The following EML4 variants were observed in gnomAD, a reference collection of about 807,000 sequenced individuals.
EML4 encodes echinoderm microtubule-associated protein-like 4.
Under a neutral mutation model 129.0 loss-of-function variants are expected in EML4, and 72 were observed. The observed-to-expected ratio is 0.56, with a 90% CI of 0.46 to 0.68. EML4 has a LOEUF of 0.68. Among genes scored for constraint, EML4 ranks in the 30% least tolerant of loss-of-function variants. The probability of loss-of-function intolerance (pLI) is 0.00; values close to 1 mark genes in which losing one functional copy is unlikely to be tolerated. For synonymous variants in EML4, 532 were observed against 405.0 expected (o/e 1.31, Z -3.77); for missense variants, 1,363 against 1,190.6 (o/e 1.14, Z -2.13).
At chr2:42,221,403 C>CTTTTTTT (rs74816568) in intron 1 of EML4, among the ~76,000 whole-genome samples, 3,152 of 107,744 alleles carry the variant, frequency 0.029, 295 homozygotes, top group Non-Finnish European at 0.04. Flanking sequence ...ACATGGTTTA[C>CTTTTTTT]TTTTTTTTTT....
intron 20 of EML4, 151 bp from the exon 21 acceptor site, chr2:42,326,003 A>C: frequency 9.0e-7 from 1 of 1,112,108 alleles, no homozygotes; most frequent in Non-Finnish European, 1.2e-6. Context: ...GTTAAAGTGA[A>C]CACTTTCTTT....
intron 2 of EML4, among the ~76,000 whole-genome samples, chr2:42,249,002 G>C (rs540083194): frequency 6.6e-6 from 1 of 152,208 alleles, no homozygotes; most frequent in Admixed American, 6.5e-5. Flanking sequence ...ACTCTGAACA[G>C]CTTTATCTTG....
intron 17 of EML4, among the ~76,000 whole-genome samples, chr2:42,314,258 C>G (rs1669113630): frequency 6.6e-6 from 1 of 152,002 alleles, no homozygotes; most frequent in African/African-American, 2.4e-5. Context: ...ACTCGAGAGA[C>G]TGAGGCATGA....
At chr2:42,233,109 A>G (rs1674451716) in intron 1 of EML4, among the ~76,000 whole-genome samples, 1 of 152,034 alleles carries the variant, frequency 6.6e-6, no homozygotes, top group African/African-American at 2.4e-5. Context: ...TTATCCTTAG[A>G]TCAATCTCTT....
intron 1 of EML4, among the ~76,000 whole-genome samples, chr2:42,214,706 G>T (rs1673079508): frequency 6.6e-6 from 1 of 152,134 alleles, no homozygotes; most frequent in Non-Finnish European, 1.5e-5. Flanking sequence ...CGTACCTTTT[G>T]CATGTCTGGT....
chr2:42,210,168 TTTCTC>T (rs1344599707), intron 1 of EML4, among the ~76,000 whole-genome samples: 1 of 152,170 alleles, frequency 6.6e-6, no homozygotes, highest in South Asian at 2.1e-4. Context: ...TAGTGCCTCT[TTTCTC>T]TTCCAGGGTC....
intron 5 of EML4, among the ~76,000 whole-genome samples, 186 bp downstream of exon 5, chr2:42,263,492 C>T (rs1381789345): frequency 6.8e-6 from 1 of 147,114 alleles, no homozygotes; most frequent in Non-Finnish European, 1.5e-5. Flanking sequence ...GCAGCCTCTG[C>T]CTCCCAGGTT....
chr2:42,188,294 A>C (rs1446976768), intron 1 of EML4, among the ~76,000 whole-genome samples: 2 of 152,180 alleles, frequency 1.3e-5, no homozygotes, highest in Non-Finnish European at 2.9e-5. Context: ...AGGAAATGGA[A>C]AATAATGTAG....
intron 17 of EML4, among the ~76,000 whole-genome samples, chr2:42,306,316 G>A (rs1668590788): frequency 6.6e-6 from 1 of 152,032 alleles, no homozygotes; most frequent in Non-Finnish European, 1.5e-5. Flanking sequence ...AAGCACACAG[G>A]AAACCATCTG....
intron 2 of EML4, among the ~76,000 whole-genome samples, chr2:42,249,590 G>A (rs1273890750): frequency 6.6e-5 from 10 of 152,194 alleles, no homozygotes; most frequent in Admixed American, 3.9e-4. Context: ...CTAATGATGT[G>A]TGTGCTAAGG....
chr2:42,220,508 G>C (rs1320132766), intron 1 of EML4, among the ~76,000 whole-genome samples: 5 of 152,038 alleles, frequency 3.3e-5, no homozygotes, highest in East Asian at 3.8e-4. Flanking sequence ...TGTGTGTTCT[G>C]ACTGCTCCAC....
intron 1 of EML4, among the ~76,000 whole-genome samples, chr2:42,228,396 G>A (rs1674113953): frequency 6.6e-6 from 1 of 152,144 alleles, no homozygotes; most frequent in Non-Finnish European, 1.5e-5. Context: ...GCTTGTGGTT[G>A]ATTGATAGAT....
chr2:42,318,574 CTA>C (rs2103798434), intron 19 of EML4, among the ~76,000 whole-genome samples: 1 of 152,232 alleles, frequency 6.6e-6, no homozygotes, highest in African/African-American at 2.4e-5. Context: ...TTATTTAAAT[CTA>C]TCTTTTAATT....
chr2:42,195,044 A>T (rs749213244), intron 1 of EML4, among the ~76,000 whole-genome samples: 1 of 152,182 alleles, frequency 6.6e-6, no homozygotes, highest in African/African-American at 2.4e-5. Flanking sequence ...AGTTATTTCA[A>T]AGTAGTTGCA....
At chr2:42,293,543 G>C (rs1667773730) in intron 11 of EML4, among the ~76,000 whole-genome samples, 1 of 152,192 alleles carries the variant, frequency 6.6e-6, no homozygotes, top group Non-Finnish European at 1.5e-5. Flanking sequence ...ACCGTTTCAA[G>C]TGTCATTTAA....
intron 13 of EML4, among the ~76,000 whole-genome samples, chr2:42,297,346 A>G (rs1313783212): frequency 6.6e-6 from 1 of 152,184 alleles, no homozygotes; most frequent in Non-Finnish European, 1.5e-5. Flanking sequence ...GAATTTGCGT[A>G]TAAATATACC....
intron 1 of EML4, among the ~76,000 whole-genome samples, chr2:42,238,951 T>C (rs531748816): frequency 6.6e-5 from 10 of 152,238 alleles, no homozygotes; most frequent in Non-Finnish European, 1.5e-4. Context: ...ATTTTTTTTG[T>C]AGAGACAGGG....
chr2:42,195,530 C>G (rs1357432129), intron 1 of EML4, among the ~76,000 whole-genome samples: 1 of 152,064 alleles, frequency 6.6e-6, no homozygotes, highest in East Asian at 1.9e-4. Context: ...TATAAAAATA[C>G]AAGACATAGA....
chr2:42,247,906 A>T (rs1215910841), intron 2 of EML4, among the ~76,000 whole-genome samples: 2 of 152,170 alleles, frequency 1.3e-5, no homozygotes, highest in East Asian at 3.8e-4. Flanking sequence ...GAGGGTACAT[A>T]TAAGTATTTT....
Sources: allele counts gnomAD v4.1 joint callset (sites outside exome capture counted in the v4.1 genomes callset), GRCh38; gene constraint gnomAD v4.1.1; transcripts MANE v1.5; gene names NCBI Gene and HGNC (gene_info 2026-07-23, HGNC 2026-07-21).